The following EYS variants were observed in gnomAD, a reference collection of about 807,000 sequenced individuals.
The protein encoded by EYS is protein eyes shut homolog.
In EYS, 250 loss-of-function variants were observed where a neutral mutation model predicts 282.1. That is an observed-to-expected ratio of 0.89 (90% CI 0.80 to 0.98). The LOEUF is 0.98. Among genes scored for constraint, EYS ranks in the 50% least tolerant of loss-of-function variants. The pLI, the probability that EYS is intolerant of heterozygous loss-of-function variation, is 0.00. For synonymous variants in EYS, 1,355 were observed against 1,282.9 expected, an observed-to-expected ratio of 1.06 and a Z score of -1.20; for missense variants, 4,016 against 3,709.0, an observed-to-expected ratio of 1.08 and a Z score of -2.15.
intron 1 of EYS, among the ~76,000 whole-genome samples, chr6:65,664,032 G>A (rs1056419899): frequency 2.6e-5 from 4 of 151,928 alleles, no homozygotes; most frequent in East Asian, 3.9e-4. Context: ...CACCACGCCC[G>A]GCTAATTTTT....
intron 12 of EYS, among the ~76,000 whole-genome samples, chr6:65,285,302 G>A (rs1208206985): frequency 3.3e-5 from 5 of 151,750 alleles, no homozygotes; most frequent in African/African-American, 9.7e-5. Flanking sequence ...ATTTTCCATG[G>A]AATTTAAATT....
chr6:64,343,418 C>G (rs552500095), intron 29 of EYS, among the ~76,000 whole-genome samples: 75 of 152,126 alleles, frequency 4.9e-4, no homozygotes, highest in African/African-American at 1.7e-3. Context: ...CAAAACTGCT[C>G]AACTACATGG....
At chr6:65,340,577 C>T (rs1770161800) in intron 10 of EYS, among the ~76,000 whole-genome samples, 1 of 151,100 alleles carries the variant, frequency 6.6e-6, no homozygotes, top group African/African-American at 2.4e-5. Flanking sequence ...TAAAGACTCA[C>T]TTTAAAGATT....
intron 11 of EYS, among the ~76,000 whole-genome samples, chr6:65,298,776 T>A (rs1350144865): frequency 6.6e-6 from 1 of 151,522 alleles, no homozygotes; most frequent in Non-Finnish European, 1.5e-5. Context: ...ATCTTAGTAA[T>A]ATATAATGCT....
intron 29 of EYS, among the ~76,000 whole-genome samples, chr6:64,326,490 G>A (rs1770427120): frequency 6.6e-6 from 1 of 152,130 alleles, no homozygotes; most frequent in South Asian, 2.1e-4. Flanking sequence ...TTAAAAGTAG[G>A]AAAAGCCTTT....
At chr6:64,755,044 A>G (rs1476951367) in intron 22 of EYS, among the ~76,000 whole-genome samples, 1 of 152,132 alleles carries the variant, frequency 6.6e-6, no homozygotes, top group Non-Finnish European at 1.5e-5. Flanking sequence ...AGGAAACCCT[A>G]AAGATTACTC....
At chr6:64,389,644 A>C (rs1419980363) in intron 28 of EYS, among the ~76,000 whole-genome samples, 5 of 152,196 alleles carry the variant, frequency 3.3e-5, no homozygotes, top group African/African-American at 1.2e-4. Context: ...AAAAGCCCAA[A>C]AATATTTACT....
At chr6:64,664,142 G>A (rs912267337) in intron 22 of EYS, among the ~76,000 whole-genome samples, 2 of 152,202 alleles carry the variant, frequency 1.3e-5, no homozygotes, top group South Asian at 4.1e-4. Context: ...GACCAGCAGA[G>A]TATGCAGTTG....
intron 12 of EYS, among the ~76,000 whole-genome samples, chr6:65,086,127 A>G (rs1442445529): frequency 6.6e-6 from 1 of 151,666 alleles, no homozygotes; most frequent in Non-Finnish European, 1.5e-5. Context: ...AGAAGACTAC[A>G]GTACATGGTG....
intron 26 of EYS, among the ~76,000 whole-genome samples, chr6:64,586,594 GA>G (rs1742543035): frequency 6.6e-6 from 1 of 151,912 alleles, no homozygotes. Context: ...GAAAAAACAA[GA>G]GATAAAATGA....
At chr6:64,702,260 T>C (rs1452255711) in intron 22 of EYS, among the ~76,000 whole-genome samples, 1 of 152,042 alleles carries the variant, frequency 6.6e-6, no homozygotes, top group African/African-American at 2.4e-5. Flanking sequence ...TCTACAAAGA[T>C]GAAATAGAGA....
At chr6:65,174,310 T>C (rs1358876671) in intron 12 of EYS, among the ~76,000 whole-genome samples, 1 of 151,374 alleles carries the variant, frequency 6.6e-6, no homozygotes, top group Non-Finnish European at 1.5e-5. Context: ...TCCACAAATA[T>C]TTCTCACTCT....
chr6:64,940,986 T>C (rs1003019300), intron 15 of EYS, among the ~76,000 whole-genome samples: 5 of 152,106 alleles, frequency 3.3e-5, no homozygotes, highest in Non-Finnish European at 7.4e-5. Context: ...TTGTATGCAA[T>C]TCATCTGCTT....
At chr6:65,147,717 T>C (rs140480197) in intron 12 of EYS, among the ~76,000 whole-genome samples, 1 of 152,072 alleles carries the variant, frequency 6.6e-6, no homozygotes, top group Admixed American at 6.6e-5. Context: ...ACCTGTTATA[T>C]TAGTCTGTTC....
At chr6:65,010,824 C>T (rs1337612028) in intron 13 of EYS, among the ~76,000 whole-genome samples, 1 of 152,162 alleles carries the variant, frequency 6.6e-6, no homozygotes, top group East Asian at 1.9e-4. Flanking sequence ...TTCCTAACTT[C>T]CGAGGGAACA....
intron 16 of EYS, among the ~76,000 whole-genome samples, chr6:64,903,729 C>T (rs755773054): frequency 3.9e-5 from 6 of 152,088 alleles, no homozygotes; most frequent in Non-Finnish European, 7.4e-5. Flanking sequence ...CGATAGAACA[C>T]GGAATTGACT....
intron 31 of EYS, among the ~76,000 whole-genome samples, chr6:64,111,640 T>G (rs2150266671): frequency 6.6e-6 from 1 of 152,144 alleles, no homozygotes; most frequent in East Asian, 1.9e-4. Flanking sequence ...ATAATATTTA[T>G]GAGCTGTGTG....
intron 22 of EYS, among the ~76,000 whole-genome samples, chr6:64,780,055 G>A (rs1367898601): frequency 6.6e-6 from 1 of 152,088 alleles, no homozygotes; most frequent in Non-Finnish European, 1.5e-5. Context: ...TCCAGGGCTT[G>A]GTTTTTGTGC....
At chr6:64,289,731 A>C (rs2150365073) in intron 30 of EYS, among the ~76,000 whole-genome samples, 1 of 152,198 alleles carries the variant, frequency 6.6e-6, no homozygotes, top group East Asian at 1.9e-4. Flanking sequence ...GTAAAAGGTC[A>C]ATATATATTT....
Sources: gnomAD v4.1 joint callset for allele counts (sites outside exome capture counted in the v4.1 genomes callset) on GRCh38, gnomAD v4.1.1 for gene constraint, MANE v1.5 for transcripts, NCBI Gene and HGNC (gene_info 2026-07-23, HGNC 2026-07-21) for gene names.